The following OCRL variants were observed in gnomAD, a reference collection of about 807,000 sequenced individuals.
OCRL encodes the protein inositol polyphosphate 5-phosphatase OCRL.
A neutral mutation model predicts 78.9 loss-of-function variants in OCRL; 8 were observed. The ratio of observed to expected loss-of-function variants is 0.10; its 90% CI spans 0.06 to 0.18. The LOEUF (loss-of-function observed/expected upper bound fraction) is 0.18, where lower values mean the gene tolerates loss of function less well. Among genes scored for constraint, OCRL ranks in the 10% least tolerant of loss-of-function variants. The probability of loss-of-function intolerance (pLI) is 1.00; values close to 1 mark genes in which losing one functional copy is unlikely to be tolerated. For missense variants in OCRL, 454 were observed against 696.7 expected (o/e 0.65, Z 3.92); for synonymous variants, 240 against 235.4 (o/e 1.02, Z -0.18).
Position 129,548,554 on chromosome X carries a change from C to T in OCRL, c.200-9C>T. ...CCCTAATCCTACTCTCTTTTTTTTC[C>T]CCTCTCAGAAGCAGAAGAAACTCTT... On this transcript the variant is annotated splice_polypyrimidine_tract_variant and intron_variant, in intron 3 of 23. Transcript: ENST00000371113. 1 of 1,195,179 alleles carries T rather than the reference C, an allele frequency of 8.4e-7. No homozygotes were observed. Among genetic ancestry groups the T allele is most frequent in the South Asian group, 1.8e-5 (1 of 56,351 alleles).
intron 19 of OCRL, 108 bp downstream of exon 19, chrX:129,584,475 T>A: frequency 1.4e-6 from 1 of 721,769 alleles, no homozygotes; most frequent in Non-Finnish European, 2.2e-6. Context: ...GACCTCTGAC[T>A]TGGTGAGACT....
At chrX:129,587,399 T>C in intron 20 of OCRL, among the ~76,000 whole-genome samples, 1 of 111,436 alleles carries the variant, frequency 9.0e-6, no homozygotes, top group Middle Eastern at 4.6e-3. Context: ...TCATTTTCCC[T>C]GGACAGCTGC....
intron 12 of OCRL, 50 bp from the exon 13 acceptor site, chrX:129,565,722 T>TG: frequency 1.0e-6 from 1 of 986,263 alleles, no homozygotes; most frequent in Non-Finnish European, 1.4e-6. Flanking sequence ...CCTTCTCTGT[T>TG]TTTTTTATGC....
intron 3 of OCRL, 63 bp from the exon 4 acceptor site, chrX:129,548,500 C>A (rs1935918982): frequency 1.1e-6 from 1 of 873,117 alleles, no homozygotes; most frequent in East Asian, 3.1e-5. Flanking sequence ...GGCATGTATT[C>A]TTTTGGTTGT....
intron 5 of OCRL, 71 bp downstream of exon 5, chrX:129,557,506 G>A: frequency 2.0e-6 from 2 of 977,539 alleles, no homozygotes; most frequent in Non-Finnish European, 2.9e-6. Context: ...CTGATACAGA[G>A]GAAAGTGGCC....
In OCRL at chrX:129,567,298, T is replaced by C; in HGVS notation, c.1401T>C (p.Asn467=). 3 of 1,210,146 alleles carry C rather than the reference T, an allele frequency of 2.5e-6. No homozygotes were observed. Among genetic ancestry groups the C allele is most frequent in the Non-Finnish European group, 3.4e-6 (3 of 893,817 alleles). Residue 467 remains asparagine, a synonymous_variant, in exon 14 of 24, where the codon AAT becomes AAC. Coordinates refer to ENST00000371113, the MANE Select transcript of OCRL (RefSeq NM_000276.4). The stretch of plus-strand genomic sequence containing the variant: ...AGAAAAAAGCTTTTGTTGACTTCAA[T>C]GAAGGGGAAATCAAGTTCATCCCCA... The part of the protein sequence containing the change: ...RTQKKAFVDF[N]EGEIKFIPTY...
At chrX:129,585,942 A>G (rs1448489980) in intron 19 of OCRL, among the ~76,000 whole-genome samples, 1 of 110,705 alleles carries the variant, frequency 9.0e-6, no homozygotes, top group African/African-American at 3.3e-5. Flanking sequence ...CACAAGTTGC[A>G]CAATGTTAGG....
intron 15 of OCRL, among the ~76,000 whole-genome samples, chrX:129,572,497 C>T (rs1182083743): frequency 8.9e-6 from 1 of 112,553 alleles, no homozygotes; most frequent in Non-Finnish European, 1.9e-5. Context: ...GAGTAATCAC[C>T]CCATGTTTTG....
Position 129,557,851 on chromosome X carries a change from A to ATC in OCRL, c.350-4_350-3dup. The ATC allele has an allele frequency of 8.7e-7, 1 of 1,154,293 alleles. No individual in the cohort carries two copies. Among genetic ancestry groups the ATC allele is most frequent in the Non-Finnish European group, 1.2e-6 (1 of 842,937 alleles). ...TTCCCAGTTTCTGACCATGAACCTTATCTCTCTAGCTCAGTCACAGCTTCT... is the reference window on the plus strand; with the variant it reads ...TTCCCAGTTTCTGACCATGAACCTTATCTCTCTCTAGCTCAGTCACAGCTTCT... On this transcript the variant is annotated splice_polypyrimidine_tract_variant and intron_variant, in intron 5 of 23. Coordinates refer to ENST00000371113, the MANE Select transcript of OCRL (RefSeq NM_000276.4).
intron 14 of OCRL, 107 bp downstream of exon 14, chrX:129,567,470 A>G (rs1345058500): frequency 3.8e-6 from 2 of 532,985 alleles, no homozygotes; most frequent in Admixed American, 5.7e-5. Flanking sequence ...CCATAAGCAG[A>G]TATATAAACC....
At position 129,576,480 on chromosome X, in the gene OCRL, C is replaced by A. The variant is rs769933618; in HGVS notation, c.2043C>A (p.Gly681=). 1 of 1,211,468 alleles carries A rather than the reference C, an allele frequency of 8.3e-7. No homozygotes were observed. The highest frequency in any genetic ancestry group is 1.1e-6 in the Non-Finnish European group (1 of 895,050). ...ISGNYLPSCF[G]TSLEALCRMK... ...GAAATTACCTCCCAAGTTGTTTTGGCACATCCTTAGAGGCTCTGTGCCGTA... is the reference window on the plus strand; with the variant it reads ...GAAATTACCTCCCAAGTTGTTTTGGAACATCCTTAGAGGCTCTGTGCCGTA... Residue 681 remains glycine (G), a synonymous_variant, in exon 18 of 24, where the codon GGC becomes GGA. Transcript: ENST00000371113.
At chrX:129,585,437 A>G (rs1322711864) in intron 19 of OCRL, among the ~76,000 whole-genome samples, 1 of 112,299 alleles carries the variant, frequency 8.9e-6, no homozygotes, top group African/African-American at 3.2e-5. Context: ...TAAAAAGTAC[A>G]TGAATCAGTG....
intron 14 of OCRL, 57 bp downstream of exon 14, chrX:129,567,420 C>T: frequency 1.1e-6 from 1 of 871,565 alleles, no homozygotes; most frequent in Non-Finnish European, 1.7e-6. Context: ...TATTTCTGAC[C>T]CTCCATATTG....
chrX:129,576,522 A>G lies in OCRL; in HGVS notation c.2085A>G (p.Arg695=). 1 of 1,208,562 alleles carries G rather than the reference A, an allele frequency of 8.3e-7. No homozygotes were observed. Among genetic ancestry groups the G allele is most frequent in the East Asian group, 3.0e-5 (1 of 33,849 alleles). ...TGTGCCGTATGAAAAGACCAATCCG[A>G]GAAGTTCCTGTTACCAAACTCATAG... is the stretch of plus-strand genomic sequence containing the variant. ...EALCRMKRPI[R]EVPVTKLIDL... Residue 695 remains arginine (R), a synonymous_variant, in exon 18 of 24, where the codon CGA becomes CGG. Transcript: ENST00000371113.
rs187728257 is a variant in OCRL, at chrX:129,572,463, G to A, written c.1603-2677G>A. ...TTAAGTGCTGTGATCATGATAACCC[G>A]CTGAGAAAAAGTTTGATTTTATTGA... is the stretch of plus-strand genomic sequence containing the variant. On this transcript the variant is annotated intron_variant, in intron 15 of 23. Coordinates refer to ENST00000371113, the MANE Select transcript of OCRL (RefSeq NM_000276.4). 3.1e-4 allele frequency among the ~76,000 whole-genome samples: 35 copies of A among 112,652 alleles called. 1 individual carries two copies. Among genetic ancestry groups the A allele is most frequent in the Admixed American group, 3.0e-3 (32 of 10,712 alleles).
chrX:129,549,061 G>A (rs901173183), intron 4 of OCRL, among the ~76,000 whole-genome samples: 1 of 109,261 alleles, frequency 9.2e-6, no homozygotes, highest in Non-Finnish European at 1.9e-5. Flanking sequence ...GTATTTTTTT[G>A]GAAGGCTGAA....
chrX:129,551,944 A>T (rs1274246102), intron 4 of OCRL, among the ~76,000 whole-genome samples: 1 of 111,858 alleles, frequency 8.9e-6, no homozygotes, highest in Non-Finnish European at 1.9e-5. Context: ...GCTGGGAAGT[A>T]GCTTGACACT....
intron 3 of OCRL, 42 bp from the exon 4 acceptor site, chrX:129,548,521 T>A (rs983162544): frequency 2.7e-6 from 3 of 1,123,535 alleles, no homozygotes; most frequent in Admixed American, 4.4e-5. Context: ...AGTGAGTGGT[T>A]TTCTCTTCCC....
rs1397364445 is a variant in OCRL, at chrX:129,576,541, C to G, written c.2104C>G (p.Leu702Val). 15 of 1,186,616 alleles carry G rather than the reference C, an allele frequency of 1.3e-5. No homozygotes were observed. Among genetic ancestry groups the G allele is most frequent in the Non-Finnish European group, 1.6e-5 (14 of 872,679 alleles). The change falls in exon 18 of 24, where the codon CTC becomes GTC. Residue 702 changes from leucine (L) to valine (V), a missense_variant. Leu to Val is a conservative substitution (Grantham distance 32). This residue lies in a region of OCRL where 277 missense variants were observed against 517.1 expected (regional missense o/e 0.54). Transcript: ENST00000371113. ...AATCCGAGAAGTTCCTGTTACCAAA[C>G]TCATAGACTTGGTAAGAACTGTCCC... The part of the protein sequence containing the change: ...RPIREVPVTK[L>V]IDLEEDSFLE...
Sources: gnomAD v4.1 joint callset for allele counts (sites outside exome capture counted in the v4.1 genomes callset) on GRCh38, gnomAD v4.1.1 for gene constraint, gnomAD v4.1.1 regional missense constraint, MANE v1.5 for transcripts, NCBI Gene and HGNC (gene_info 2026-07-23, HGNC 2026-07-21) for gene names.